Variants in CENPW observed in about 807,000 individuals in gnomAD.
The protein encoded by CENPW is centromere protein W, also known as cancer-up-regulated gene 2 protein.
CENPW carries 3 observed loss-of-function variants against 11.1 expected under a neutral mutation model. The observed-to-expected ratio is 0.27, with a 90% CI of 0.12 to 0.70. CENPW has a LOEUF of 0.70. CENPW is among the 30% of genes least tolerant of loss of function. CENPW has a pLI of 0.77. For missense variants in CENPW, 100 were observed against 105.6 expected (o/e 0.95, Z 0.23); for synonymous variants, 38 against 42.0 (o/e 0.91, Z 0.37).
the CENPW span, among the ~76,000 whole-genome samples, chr6:126,357,933 C>A: frequency 4.6e-5 from 7 of 152,256 alleles, no homozygotes; most frequent in South Asian, 1.5e-3. Flanking sequence ...TCTTTCACCT[C>A]TTTGGTTAGC....
the CENPW span, among the ~76,000 whole-genome samples, chr6:126,367,050 T>C: frequency 6.6e-6 from 1 of 152,188 alleles, no homozygotes; most frequent in Admixed American, 6.5e-5. Flanking sequence ...TTCCAACACA[T>C]GCATTTTGGG....
the CENPW span, among the ~76,000 whole-genome samples, chr6:126,431,305 G>T: frequency 5.3e-5 from 8 of 152,242 alleles, no homozygotes; most frequent in African/African-American, 1.9e-4. Context: ...GTTTTAATCT[G>T]CTAATGTTGC....
chr6:126,424,597 A>G, the CENPW span, among the ~76,000 whole-genome samples: 1 of 152,048 alleles, frequency 6.6e-6, no homozygotes, highest in East Asian at 1.9e-4. Flanking sequence ...TGGAGGATAG[A>G]CCATTATCAT....
At chr6:126,480,015 A>G in the CENPW span, among the ~76,000 whole-genome samples, 36 of 151,980 alleles carry the variant, frequency 2.4e-4, no homozygotes, top group Non-Finnish European at 4.1e-4. Context: ...CCATGCATGG[A>G]GGACATGGGT....
At chr6:126,453,871 G>C in the CENPW span, among the ~76,000 whole-genome samples, 2 of 151,032 alleles carry the variant, frequency 1.3e-5, no homozygotes, top group East Asian at 3.9e-4. Context: ...AATCAGCCAA[G>C]CAAAGAGAAA....
the CENPW span, among the ~76,000 whole-genome samples, chr6:126,377,748 T>G: frequency 6.6e-6 from 1 of 152,074 alleles, no homozygotes; most frequent in Non-Finnish European, 1.5e-5. Context: ...TATCACAAAG[T>G]CTCTTCCAAA....
chr6:126,415,941 C>G, the CENPW span, among the ~76,000 whole-genome samples: 3 of 152,022 alleles, frequency 2.0e-5, no homozygotes, highest in Admixed American at 2.0e-4. Flanking sequence ...TGAAAAGATA[C>G]CTGAAAATGT....
At chr6:126,378,538 C>T in the CENPW span, among the ~76,000 whole-genome samples, 2 of 151,788 alleles carry the variant, frequency 1.3e-5, no homozygotes, top group Non-Finnish European at 2.9e-5. Flanking sequence ...GTCGTGAGCA[C>T]TCTATCCCCA....
At chr6:126,456,022 A>G in the CENPW span, among the ~76,000 whole-genome samples, 2 of 151,110 alleles carry the variant, frequency 1.3e-5, no homozygotes, top group Non-Finnish European at 3.0e-5. Flanking sequence ...AAAGATGTCT[A>G]CAATGAGAAT....
At chr6:126,464,091 C>T in the CENPW span, among the ~76,000 whole-genome samples, 1 of 151,958 alleles carries the variant, frequency 6.6e-6, no homozygotes, top group Admixed American at 6.6e-5. Flanking sequence ...AAAATCAAAT[C>T]CAACAATATG....
At chr6:126,374,622 C>A in the CENPW span, among the ~76,000 whole-genome samples, 5 of 152,136 alleles carry the variant, frequency 3.3e-5, no homozygotes, top group African/African-American at 7.2e-5. Context: ...CAGAGAGTTA[C>A]AATACATATC....
At chr6:126,386,781 C>T in the CENPW span, among the ~76,000 whole-genome samples, 1 of 151,896 alleles carries the variant, frequency 6.6e-6, no homozygotes, top group African/African-American at 2.4e-5. Flanking sequence ...AAGACATGAA[C>T]TTGATACTAG....
the CENPW span, among the ~76,000 whole-genome samples, chr6:126,462,574 T>A: frequency 6.6e-6 from 1 of 150,470 alleles, no homozygotes; most frequent in Non-Finnish European, 1.5e-5. Context: ...CTTCTCTTAC[T>A]CTCTTTCTTG....
the CENPW span, among the ~76,000 whole-genome samples, chr6:126,453,614 A>G: frequency 6.6e-6 from 1 of 151,294 alleles, no homozygotes; most frequent in African/African-American, 2.4e-5. Flanking sequence ...ACTTAAGTAC[A>G]TAGACCAGTG....
the CENPW span, among the ~76,000 whole-genome samples, chr6:126,379,261 C>T: frequency 6.6e-6 from 1 of 152,056 alleles, no homozygotes; most frequent in Non-Finnish European, 1.5e-5. Context: ...TGGAGGTTTT[C>T]GTAATCCCAG....
At chr6:126,377,791 G>A in the CENPW span, among the ~76,000 whole-genome samples, 1 of 152,164 alleles carries the variant, frequency 6.6e-6, no homozygotes, top group African/African-American at 2.4e-5. Context: ...CTGTCAGAGA[G>A]CAAGTAACAA....
the CENPW span, among the ~76,000 whole-genome samples, chr6:126,388,584 A>G: frequency 5.9e-5 from 9 of 151,962 alleles, no homozygotes; most frequent in Non-Finnish European, 1.0e-4. Context: ...TGGAGTATTT[A>G]TAGGACTGCC....
At chr6:126,456,169 C>A in the CENPW span, among the ~76,000 whole-genome samples, 1 of 151,340 alleles carries the variant, frequency 6.6e-6, no homozygotes, top group Admixed American at 6.6e-5. Flanking sequence ...TCCTATCAAA[C>A]TATGAATGGG....
chr6:126,476,847 GT>G, the CENPW span, among the ~76,000 whole-genome samples: 1 of 151,916 alleles, frequency 6.6e-6, no homozygotes. Context: ...AATTGTGTAA[GT>G]GTCTAAAACC....
Sources: gnomAD v4.1 joint callset for allele counts (sites outside exome capture counted in the v4.1 genomes callset) on GRCh38, gnomAD v4.1.1 for gene constraint, MANE v1.5 for transcripts, NCBI Gene and HGNC (gene_info 2026-07-23, HGNC 2026-07-21) for gene names.